The following HS6ST3 variants were observed in gnomAD, a reference collection of about 807,000 sequenced individuals.
HS6ST3 encodes the protein heparan sulfate 6-O-sulfotransferase 3.
In HS6ST3, 12 loss-of-function variants were observed where a neutral mutation model predicts 36.7. That is an observed-to-expected ratio of 0.33 (90% CI 0.21 to 0.53). HS6ST3 has a LOEUF of 0.53. HS6ST3 is among the 20% of genes least tolerant of loss of function. HS6ST3 has a pLI of 0.95. For synonymous variants in HS6ST3, 240 were observed against 257.5 expected (o/e 0.93, Z 0.65); for missense variants, 584 against 640.9 (o/e 0.91, Z 0.96).
At chr13:96,443,234 T>A (rs1251847229) in intron 1 of HS6ST3, among the ~76,000 whole-genome samples, 1 of 152,016 alleles carries the variant, frequency 6.6e-6, no homozygotes, top group African/African-American at 2.4e-5. Flanking sequence ...AAAATCATTT[T>A]AAAAAAGCAG....
intron 1 of HS6ST3, among the ~76,000 whole-genome samples, chr13:96,437,515 A>G (rs544590735): frequency 1.3e-5 from 2 of 152,334 alleles, no homozygotes; most frequent in African/African-American, 2.4e-5. Context: ...CAGCAGGGCT[A>G]GTGTACCACT....
At chr13:96,478,643 G>T (rs560624337) in intron 1 of HS6ST3, among the ~76,000 whole-genome samples, 1 of 152,106 alleles carries the variant, frequency 6.6e-6, no homozygotes, top group African/African-American at 2.4e-5. Flanking sequence ...AATACTATTA[G>T]ACCTACCATT....
intron 1 of HS6ST3, among the ~76,000 whole-genome samples, chr13:96,783,521 A>C (rs1022849856): frequency 6.6e-6 from 1 of 151,478 alleles, no homozygotes; most frequent in South Asian, 2.1e-4. Context: ...ACAACTGATT[A>C]CTGTGGTCCT....
chr13:96,695,453 TG>T (rs1362744081), intron 1 of HS6ST3, among the ~76,000 whole-genome samples: 1 of 152,188 alleles, frequency 6.6e-6, no homozygotes, highest in East Asian at 1.9e-4. Flanking sequence ...TTATTGTTTT[TG>T]TCTCGCTGTT....
chr13:96,468,567 C>G (rs1456415882), intron 1 of HS6ST3, among the ~76,000 whole-genome samples: 1 of 151,334 alleles, frequency 6.6e-6, no homozygotes, highest in Non-Finnish European at 1.5e-5. Context: ...AATGAGGAAG[C>G]TAGAAGTAAA....
At chr13:96,125,019 T>A (rs2053943781) in intron 1 of HS6ST3, among the ~76,000 whole-genome samples, 1 of 152,144 alleles carries the variant, frequency 6.6e-6, no homozygotes, top group Non-Finnish European at 1.5e-5. Flanking sequence ...GATTTTTAGA[T>A]GTTGAAATTT....
At chr13:96,711,648 C>T (rs1298968106) in intron 1 of HS6ST3, among the ~76,000 whole-genome samples, 1 of 152,128 alleles carries the variant, frequency 6.6e-6, no homozygotes, top group Non-Finnish European at 1.5e-5. Flanking sequence ...CTAAGGATGT[C>T]TCTTTATCAA....
At chr13:96,139,157 T>A (rs1478541341) in intron 1 of HS6ST3, among the ~76,000 whole-genome samples, 1 of 152,128 alleles carries the variant, frequency 6.6e-6, no homozygotes, top group Admixed American at 6.6e-5. Context: ...AAAGGAAAAG[T>A]TGTGATAAAG....
At chr13:96,269,898 A>G (rs1038077293) in intron 1 of HS6ST3, among the ~76,000 whole-genome samples, 3 of 152,030 alleles carry the variant, frequency 2.0e-5, no homozygotes, top group African/African-American at 4.8e-5. Context: ...GCACTAATCA[A>G]CTATCTCAGC....
intron 1 of HS6ST3, among the ~76,000 whole-genome samples, chr13:96,435,082 A>G (rs893381226): frequency 1.3e-5 from 2 of 152,040 alleles, no homozygotes; most frequent in Non-Finnish European, 2.9e-5. Flanking sequence ...TGAGGGTGAC[A>G]ATATTCAGTG....
At chr13:96,622,802 TATC>T (rs2056499437) in intron 1 of HS6ST3, among the ~76,000 whole-genome samples, 1 of 152,206 alleles carries the variant, frequency 6.6e-6, no homozygotes, top group Non-Finnish European at 1.5e-5. Flanking sequence ...CTTAAGAAAA[TATC>T]AACCTTTTAG....
chr13:96,289,157 TAAAC>T (rs1181061028), intron 1 of HS6ST3, among the ~76,000 whole-genome samples: 1 of 152,036 alleles, frequency 6.6e-6, no homozygotes, highest in African/African-American at 2.4e-5. Context: ...AAACAAGACT[TAAAC>T]AAATAAGAGA....
intron 1 of HS6ST3, among the ~76,000 whole-genome samples, chr13:96,384,324 A>T (rs556210727): frequency 5.9e-5 from 9 of 152,106 alleles, no homozygotes; most frequent in African/African-American, 2.2e-4. Flanking sequence ...AAATGATAGT[A>T]ACTGAGTTCT....
In HS6ST3 at chr13:96,635,872, T is replaced by C. The variant is rs564687971; in HGVS notation, c.708-196618T>C. On this transcript the variant is annotated intron_variant, in intron 1 of 1. Transcript: ENST00000376705. ...GGTAACTTTTAACCCTACATGAATA[T>C]GATATATAATACTACACGCAGGGTA... Among the ~76,000 whole-genome samples, 8 of 152,202 alleles carry C rather than the reference T, an allele frequency of 5.3e-5. No individual in the cohort carries two copies. In the East Asian group the frequency reaches 1.5e-3, roughly 29 times the overall value.
chr13:96,448,278 A>G (rs1290738297), intron 1 of HS6ST3, among the ~76,000 whole-genome samples: 1 of 152,188 alleles, frequency 6.6e-6, no homozygotes, highest in Non-Finnish European at 1.5e-5. Context: ...ACACCTGCTT[A>G]ATTGTGTCTA....
At chr13:96,314,290 G>T (rs552391483) in intron 1 of HS6ST3, among the ~76,000 whole-genome samples, 176 of 152,198 alleles carry the variant, frequency 1.2e-3, no homozygotes, top group Non-Finnish European at 2.0e-3. Context: ...ACCCAGATAT[G>T]AAATCCATTA....
At chr13:96,291,038 G>A (rs2054827355) in intron 1 of HS6ST3, among the ~76,000 whole-genome samples, 4 of 152,018 alleles carry the variant, frequency 2.6e-5, no homozygotes, top group Admixed American at 1.3e-4. Flanking sequence ...AGTCTTTCCC[G>A]ACCACCCTTT....
intron 1 of HS6ST3, among the ~76,000 whole-genome samples, chr13:96,564,914 C>T (rs747976836): frequency 1.3e-5 from 2 of 152,146 alleles, no homozygotes; most frequent in South Asian, 2.1e-4. Flanking sequence ...TCTCTTTCAC[C>T]TGTGTCTTTG....
intron 1 of HS6ST3, among the ~76,000 whole-genome samples, chr13:96,827,792 T>A (rs915242361): frequency 6.6e-6 from 1 of 152,158 alleles, no homozygotes; most frequent in Non-Finnish European, 1.5e-5. Flanking sequence ...ATTTTAAGCC[T>A]AAACCAGTTT....
Sources: gnomAD v4.1 joint callset for allele counts (sites outside exome capture counted in the v4.1 genomes callset) on GRCh38, gnomAD v4.1.1 for gene constraint, MANE v1.5 for transcripts, NCBI Gene and HGNC (gene_info 2026-07-23, HGNC 2026-07-21) for gene names.